CKAP2: variants seen among roughly 807,000 people sequenced by gnomAD.
CKAP2 encodes cytoskeleton associated protein 2.
Under a neutral mutation model 58.4 loss-of-function variants are expected in CKAP2, and 46 were observed. That is an observed-to-expected ratio of 0.79 (90% CI 0.62 to 1.01). CKAP2 has a LOEUF of 1.01. Ranked by LOEUF, CKAP2 falls within the 50% of genes least tolerant of loss-of-function variation. The pLI, the probability that CKAP2 is intolerant of heterozygous loss-of-function variation, is 0.00. For missense variants in CKAP2, 809 were observed against 796.4 expected, an observed-to-expected ratio of 1.02 and a Z score of -0.19; for synonymous variants, 293 against 280.9, an observed-to-expected ratio of 1.04 and a Z score of -0.43.
At chr13:52,457,531 C>T (rs1010248913) in intron 2 of CKAP2, among the ~76,000 whole-genome samples, 17 of 152,142 alleles carry the variant, frequency 1.1e-4, no homozygotes, top group Admixed American at 1.3e-4. Context: ...AAGGTCCCCT[C>T]ACTCTCTAGG....
intron 7 of CKAP2, among the ~76,000 whole-genome samples, chr13:52,470,341 G>T (rs1021672688): frequency 6.6e-5 from 10 of 151,892 alleles, no homozygotes; most frequent in Non-Finnish European, 2.9e-5. Flanking sequence ...CTGACCTCAG[G>T]TGATCCGCCC....
chr13:52,465,334 C>G lies in CKAP2; in HGVS notation c.1345C>G (p.Leu449Val). The change falls in exon 6 of 9, where the codon CTG (leucine) becomes GTG (valine). Residue 449 changes from leucine (L) to valine (V), a missense_variant. Leu to Val is a conservative substitution (Grantham distance 32, BLOSUM62 1). This residue lies in a region of CKAP2 where 283 missense variants were observed against 287.6 expected (regional missense o/e 0.98). Coordinates refer to ENST00000258607, the MANE Select transcript of CKAP2 (RefSeq NM_018204.5). ...KEDILVTLNDLIKNIPDAKKL... is the reference protein window; with the variant it reads ...KEDILVTLNDVIKNIPDAKKL... ...AGATATACTGGTCACACTGAATGAC[C>G]TGATTAAAAATATTCCAGATGCCAA... is the stretch of plus-strand genomic sequence containing the variant. 2 of 1,613,412 alleles carry G rather than the reference C, an allele frequency of 1.2e-6. No individual in the cohort carries two copies. The highest frequency in any genetic ancestry group is 1.7e-6 in the Non-Finnish European group (2 of 1,179,666).
At position 52,476,290 on chromosome 13, in the gene CKAP2, G is replaced by C. The variant is rs1241656494; in HGVS notation, c.*1149G>C. Reference sequence around the variant, plus strand: ...CTATTTATTGACTTCTCATGTTCTAGAGAGTAGGACTTTTATTCCGTGTAC... The same window carrying C: ...CTATTTATTGACTTCTCATGTTCTACAGAGTAGGACTTTTATTCCGTGTAC... On this transcript the variant is annotated 3_prime_UTR_variant, in exon 9 of 9. Coordinates refer to ENST00000258607, the MANE Select transcript of CKAP2 (RefSeq NM_018204.5). The C allele has an allele frequency of 6.6e-6, 1 of 152,138 alleles. No homozygotes were observed. Among genetic ancestry groups the C allele is most frequent in the Non-Finnish European group, 1.5e-5 (1 of 68,004 alleles). The allele number at this position is 152,138 out of a possible 1,614,324, so 9.4% of individuals were successfully genotyped here.
intron 5 of CKAP2, among the ~76,000 whole-genome samples, chr13:52,463,469 T>C (rs1958614786): frequency 6.6e-6 from 1 of 152,100 alleles, no homozygotes; most frequent in Admixed American, 6.6e-5. Context: ...ACATAATTAA[T>C]TAACAGTTTA....
At chr13:52,470,204 C>A (rs559822666) in intron 7 of CKAP2, among the ~76,000 whole-genome samples, 1 of 151,560 alleles carries the variant, frequency 6.6e-6, no homozygotes, top group East Asian at 2.0e-4. Flanking sequence ...CTCCTGGGTT[C>A]AAGCGATTCT....
Position 52,460,923 on chromosome 13 carries a change from T to C in CKAP2, c.180T>C (p.Ser60=), listed in dbSNP as rs1195130529. Residue 60 remains serine (S), a synonymous_variant, in exon 3 of 9, where the codon TCT becomes TCC. Coordinates refer to ENST00000258607, the MANE Select transcript of CKAP2 (RefSeq NM_018204.5). ...GTAGAGATCAGAGAGTTGTGACATC[T>C]GAGGACCAAGTTCAAGAAGGGACTA... ...LSSRDQRVVT[S]EDQVQEGTKV... 1.2e-6 allele frequency: 2 copies of C among 1,613,376 alleles called. No individual in the cohort carries two copies. Among genetic ancestry groups the C allele is most frequent in the African/African-American group, 2.7e-5 (2 of 74,736 alleles).
At chr13:52,466,727 A>G (rs1389146818) in intron 6 of CKAP2, among the ~76,000 whole-genome samples, 1 of 152,174 alleles carries the variant, frequency 6.6e-6, no homozygotes, top group East Asian at 1.9e-4. Flanking sequence ...AGTCTCAACT[A>G]CTTGGGAGGC....
intron 1 of CKAP2, 90 bp downstream of exon 1, chr13:52,455,716 G>A: frequency 2.3e-6 from 3 of 1,311,096 alleles, no homozygotes; most frequent in Middle Eastern, 2.7e-4. Flanking sequence ...GCGCTGGCGC[G>A]CTTCACCTCT....
rs1594132658 is a variant in CKAP2, at chr13:52,457,654, A to T, written c.155+1047A>T. 2.6e-5 allele frequency among the ~76,000 whole-genome samples: 4 copies of T among 152,296 alleles called. No individual in the cohort carries two copies. In the East Asian group the frequency reaches 7.7e-4, roughly 29 times the overall value. On this transcript the variant is annotated intron_variant, in intron 2 of 8. Transcript: ENST00000258607. ...CAGATCACGAGGTCAGGAGATCAAG[A>T]CCAGCCTGGCTAACACAGTGAAACC...
chr13:52,465,159 T>G, intron 5 of CKAP2, 136 bp from the exon 6 acceptor site: 2 of 651,110 alleles, frequency 3.1e-6, no homozygotes, highest in Non-Finnish European at 5.2e-6. Flanking sequence ...ACTAATAAAT[T>G]TCTCAACTAA....
intron 6 of CKAP2, among the ~76,000 whole-genome samples, chr13:52,466,697 G>T (rs946664521): frequency 6.6e-6 from 1 of 152,204 alleles, no homozygotes; most frequent in Non-Finnish European, 1.5e-5. Flanking sequence ...ACATGGCTGG[G>T]CACAGTAGTG....
Position 52,455,513 on chromosome 13 carries a change from T to C in CKAP2, c.-44T>C, listed in dbSNP as rs759512623. On this transcript the variant is annotated 5_prime_UTR_variant, in exon 1 of 9. Coordinates refer to ENST00000258607, the MANE Select transcript of CKAP2 (RefSeq NM_018204.5). ...GCGGCGGTGGTCTGAGGAAGTTCTATCTTGGCGCTAAAGCGGAGACGCATC... is the reference window on the plus strand; with the variant it reads ...GCGGCGGTGGTCTGAGGAAGTTCTACCTTGGCGCTAAAGCGGAGACGCATC... 4.3e-6 allele frequency: 7 copies of C among 1,610,762 alleles called. No individual in the cohort carries two copies. In the South Asian group the frequency reaches 6.6e-5, roughly 15 times the overall value.
chr13:52,460,383 A>G (rs1958549953), intron 2 of CKAP2, among the ~76,000 whole-genome samples: 1 of 152,122 alleles, frequency 6.6e-6, no homozygotes, highest in Non-Finnish European at 1.5e-5. Flanking sequence ...AGTATTTACA[A>G]ATTCTATGGG....
intron 1 of CKAP2, 123 bp downstream of exon 1, chr13:52,455,749 A>C: frequency 1.7e-6 from 2 of 1,161,866 alleles, no homozygotes; most frequent in Non-Finnish European, 2.3e-6. Context: ...GAGATCCCTG[A>C]ACGCGGCGTC....
rs1211169858 is a variant in CKAP2, at chr13:52,476,489, T to C, written c.*1348T>C. 2 of 152,248 alleles carry C rather than the reference T, an allele frequency of 1.3e-5. No homozygotes were observed. Among genetic ancestry groups the C allele is most frequent in the Admixed American group, 6.5e-5 (1 of 15,290 alleles). 9.4% of individuals were successfully genotyped at this position (152,248 alleles called of 1,614,324 possible). On this transcript the variant is annotated 3_prime_UTR_variant, in exon 9 of 9. Coordinates refer to ENST00000258607, the MANE Select transcript of CKAP2 (RefSeq NM_018204.5). ...ACACTTAAGTACATGCTTAATGATATATTTTCAAAAGTCATCAGTCTACTT... is the reference window on the plus strand; with the variant it reads ...ACACTTAAGTACATGCTTAATGATACATTTTCAAAAGTCATCAGTCTACTT...
chr13:52,475,264 G>A lies in CKAP2; in HGVS notation c.*123G>A, dbSNP rs567277403. 7.8e-6 allele frequency: 9 copies of A among 1,153,296 alleles called. No individual in the cohort carries two copies. The highest frequency in any genetic ancestry group is 3.4e-5 in the South Asian group (2 of 59,010). 71.4% of individuals were successfully genotyped at this position (1,153,296 alleles called of 1,614,324 possible). A position where few individuals can be genotyped will look rare whatever the true frequency, so the allele number is the denominator to read the frequency against. ...GTACCTATGTATCCTAAGCATTCAC[G>A]GCAGTGAGCTCCTTTACTAACATTC... On this transcript the variant is annotated 3_prime_UTR_variant, in exon 9 of 9. Transcript: ENST00000258607.
intron 7 of CKAP2, 109 bp from the exon 8 acceptor site, chr13:52,473,720 C>T (rs56249382): frequency 0.057 from 53,276 of 926,746 alleles, 1,975 homozygotes; most frequent in African/African-American, 0.14. Flanking sequence ...AGATGGCAAT[C>T]GTGTTCTTTT....
chr13:52,475,092 G>A lies in CKAP2; in HGVS notation c.2000G>A (p.Arg667His), dbSNP rs1195185556. The A allele has an allele frequency of 5.0e-6, 8 of 1,614,036 alleles. No individual in the cohort carries two copies. Among genetic ancestry groups the A allele is most frequent in the African/African-American group, 2.7e-5 (2 of 74,918 alleles). ...LGRETDAFVC[R>H]PNAALCRVYY... ...AGAGAAACTGATGCTTTTGTATGCC[G>A]CCCTAATGCAGCACTGTGCCGGGTG... The change falls in exon 9 of 9, where the codon CGC becomes CAC. Residue 667 changes from arginine to histidine, a missense_variant. By Grantham distance (29) the Arg-to-His change is conservative (BLOSUM62 0). Transcript: ENST00000258607.
chr13:52,462,581 A>G lies in CKAP2; in HGVS notation c.1305+14A>G. On this transcript the variant is annotated intron_variant, in intron 5 of 8. Transcript: ENST00000258607. ...TTGATTAATGAGGTAGAGTCTTTATATTTGCTTAGCATTTTATAGTTTGCA... is the reference window on the plus strand; with the variant it reads ...TTGATTAATGAGGTAGAGTCTTTATGTTTGCTTAGCATTTTATAGTTTGCA... The G allele has an allele frequency of 6.3e-7, 1 of 1,596,560 alleles. No homozygotes were observed. The highest frequency in any genetic ancestry group is 8.5e-7 in the Non-Finnish European group (1 of 1,170,882).
Sources: gnomAD v4.1 joint callset for allele counts (sites outside exome capture counted in the v4.1 genomes callset) on GRCh38, gnomAD v4.1.1 for gene constraint, gnomAD v4.1.1 regional missense constraint, MANE v1.5 for transcripts, NCBI Gene and HGNC (gene_info 2026-07-23, HGNC 2026-07-21) for gene names.